Variants in DSC3 observed in about 807,000 individuals in gnomAD.
The protein encoded by DSC3 is desmocollin 3.
A neutral mutation model predicts 89.5 loss-of-function variants in DSC3; 97 were observed. That is an observed-to-expected ratio of 1.08 (90% CI 0.92 to 1.28). DSC3 has a LOEUF of 1.28. Among genes scored for constraint, DSC3 ranks in the 50% most tolerant of loss-of-function variants. The probability of loss-of-function intolerance (pLI) is 0.00; values close to 1 mark genes in which losing one functional copy is unlikely to be tolerated. For missense variants in DSC3, 1,199 were observed against 1,085.3 expected (o/e 1.10, Z -1.47); for synonymous variants, 436 against 384.1 (o/e 1.14, Z -1.58).
At chr18:31,011,707 A>G (rs1985064409) in intron 9 of DSC3, among the ~76,000 whole-genome samples, 1 of 152,008 alleles carries the variant, frequency 6.6e-6, no homozygotes, top group Admixed American at 6.6e-5. Context: ...AAAGTACTTA[A>G]AGATGCCAGG....
At chr18:31,040,010 T>C (rs1311029313) in intron 1 of DSC3, among the ~76,000 whole-genome samples, 2 of 152,184 alleles carry the variant, frequency 1.3e-5, no homozygotes, top group African/African-American at 4.8e-5. Context: ...ATATATCAAA[T>C]ATTACCAAGA....
chr18:31,001,946 T>C (rs1437941278), intron 13 of DSC3, among the ~76,000 whole-genome samples: 3 of 152,134 alleles, frequency 2.0e-5, no homozygotes, highest in South Asian at 2.1e-4. Flanking sequence ...ATTTTTTCAT[T>C]ATATCTCACT....
intron 9 of DSC3, among the ~76,000 whole-genome samples, chr18:31,011,291 A>G (rs533708212): frequency 6.6e-6 from 1 of 152,380 alleles, no homozygotes; most frequent in South Asian, 2.1e-4. Context: ...AAGCTGTCAC[A>G]GAGGCGAATG....
rs141278133 is a variant in DSC3, at chr18:30,999,982, A to G, written c.2235+1636T>C. 8.1e-4 allele frequency among the ~76,000 whole-genome samples: 124 copies of G among 152,298 alleles called. 2 individuals are homozygous for G. Among genetic ancestry groups the G allele is most frequent in the African/African-American group, 3.0e-3 (123 of 41,570 alleles). ...AACAGATATTAAGTAAAAGTCATCCATGCCGGTCTTAAAAATAAAATAAGA... is the reference window on the plus strand; with the variant it reads ...AACAGATATTAAGTAAAAGTCATCCGTGCCGGTCTTAAAAATAAAATAAGA... On this transcript the variant is annotated intron_variant, in intron 14 of 15. Transcript: ENST00000360428.
chr18:31,010,272 A>G (rs569782225), intron 9 of DSC3, among the ~76,000 whole-genome samples: 6 of 152,308 alleles, frequency 3.9e-5, no homozygotes, highest in African/African-American at 1.4e-4. Flanking sequence ...AAAAATATTA[A>G]TATCTGTTCG....
chr18:31,019,344 C>T (rs1009622364), intron 7 of DSC3, among the ~76,000 whole-genome samples: 6 of 152,180 alleles, frequency 3.9e-5, no homozygotes, highest in Non-Finnish European at 7.3e-5. Context: ...CCGCCTCGGG[C>T]TCCCAAAGTG....
At chr18:31,028,922 C>T (rs1444602772) in intron 4 of DSC3, among the ~76,000 whole-genome samples, 2 of 152,128 alleles carry the variant, frequency 1.3e-5, no homozygotes, top group African/African-American at 4.8e-5. Context: ...GACTAAGCCA[C>T]CCAGAGCTCC....
intron 1 of DSC3, among the ~76,000 whole-genome samples, chr18:31,034,359 A>G (rs1393983195): frequency 6.6e-6 from 1 of 152,224 alleles, no homozygotes; most frequent in African/African-American, 2.4e-5. Flanking sequence ...TAGGATAACT[A>G]AAATAAATAA....
At chr18:31,035,687 A>G (rs1174157665) in intron 1 of DSC3, among the ~76,000 whole-genome samples, 2 of 152,068 alleles carry the variant, frequency 1.3e-5, no homozygotes, top group Non-Finnish European at 2.9e-5. Context: ...ATTAAATCAT[A>G]AATGCTCAGT....
chr18:31,004,286 C>G lies in DSC3; in HGVS notation c.1969G>C (p.Gly657Arg). ...TIPITVKDRA[G>R]QAATKLLRVN... ...CTCAATAATTTTGTTGCAGCTTGGC[C>G]GGCCCTGTCTTTTACAGTAATAGGA... is the stretch of plus-strand genomic sequence containing the variant. The change falls in exon 13 of 16, where the codon GGC (glycine) becomes CGC (arginine). Residue 657 changes from glycine (G) to arginine (R), a missense_variant. Physicochemically the swap from Gly to Arg is moderately radical, Grantham distance 125 (BLOSUM62 -2). Coordinates refer to ENST00000360428, the MANE Select transcript of DSC3 (RefSeq NM_001941.5). The G allele has an allele frequency of 1.9e-6, 3 of 1,613,984 alleles. No homozygotes were observed. Among genetic ancestry groups the G allele is most frequent in the Non-Finnish European group, 2.5e-6 (3 of 1,179,932 alleles).
intron 12 of DSC3, among the ~76,000 whole-genome samples, chr18:31,005,602 C>T (rs754144839): frequency 5.1e-4 from 77 of 152,188 alleles, no homozygotes; most frequent in Non-Finnish European, 9.6e-4. Flanking sequence ...ACTTATTCTC[C>T]TGGTATGTTT....
At chr18:31,027,791 T>TG (rs1985649628) in intron 4 of DSC3, among the ~76,000 whole-genome samples, 2 of 152,118 alleles carry the variant, frequency 1.3e-5, no homozygotes, top group African/African-American at 4.8e-5. Context: ...ACCTAAAATT[T>TG]GTTTCTTCAG....
At chr18:31,041,802 T>G (rs890724175) in intron 1 of DSC3, among the ~76,000 whole-genome samples, 3 of 152,110 alleles carry the variant, frequency 2.0e-5, no homozygotes, top group African/African-American at 7.2e-5. Flanking sequence ...CCCCAGGCTG[T>G]GCTCCGGCCG....
At chr18:31,005,227 T>G (rs1214679598) in intron 12 of DSC3, among the ~76,000 whole-genome samples, 1 of 152,188 alleles carries the variant, frequency 6.6e-6, no homozygotes, top group Non-Finnish European at 1.5e-5. Context: ...CTTAGGACCC[T>G]TCAAGACCAC....
rs1469734953 is a variant in DSC3, at chr18:31,006,964, T to C, written c.1831A>G (p.Ser611Gly). 14 of 1,613,790 alleles carry C rather than the reference T, an allele frequency of 8.7e-6. No individual in the cohort carries two copies. The highest frequency in any genetic ancestry group is 2.2e-5 in the East Asian group (1 of 44,832). Reference sequence around the variant, plus strand: ...ATTTCTGGAGAAGTATTGGGCAAACTGAAATAAAATGGAGCTCCATGGACA... The same window carrying C: ...ATTTCTGGAGAAGTATTGGGCAAACCGAAATAAAATGGAGCTCCATGGACA... ...EPVHGAPFYF[S>G]LPNTSPEISR... The change falls in exon 12 of 16, where the codon AGT (serine) becomes GGT (glycine). Residue 611 changes from serine to glycine, a missense_variant. Transcript: ENST00000360428.
chr18:31,026,532 C>T (rs967497916), intron 4 of DSC3, among the ~76,000 whole-genome samples: 3 of 152,006 alleles, frequency 2.0e-5, no homozygotes, highest in African/African-American at 7.2e-5. Flanking sequence ...AGAGAAGAGA[C>T]TGTAGTTAGT....
intron 12 of DSC3, among the ~76,000 whole-genome samples, chr18:31,005,730 A>G (rs897161368): frequency 6.6e-6 from 1 of 152,218 alleles, no homozygotes; most frequent in Non-Finnish European, 1.5e-5. Context: ...CAAACATTCT[A>G]GGAAACTCAT....
chr18:31,039,645 A>C lies in DSC3; in HGVS notation c.69+2947T>G, dbSNP rs915449099. Among the ~76,000 whole-genome samples the C allele has an allele frequency of 5.6e-4, 85 of 152,196 alleles. 6 individuals carry two copies. Among genetic ancestry groups the C allele is most frequent in the Non-Finnish European group, 4.4e-5 (3 of 68,016 alleles). On this transcript the variant is annotated intron_variant, in intron 1 of 15. Coordinates refer to ENST00000360428, the MANE Select transcript of DSC3 (RefSeq NM_001941.5). Reference sequence around the variant, plus strand: ...TCATTGTAAGATGGGAATTCCAGCTATCATACTTTCAGCGGAAAGTATGAT... The same window carrying C: ...TCATTGTAAGATGGGAATTCCAGCTCTCATACTTTCAGCGGAAAGTATGAT...
intron 1 of DSC3, among the ~76,000 whole-genome samples, chr18:31,040,058 T>G (rs1210884756): frequency 2.0e-5 from 3 of 152,160 alleles, no homozygotes; most frequent in Non-Finnish European, 2.9e-5. Context: ...AGGACTCACA[T>G]TATTCACATT....
Sources: allele counts gnomAD v4.1 joint callset (sites outside exome capture counted in the v4.1 genomes callset), GRCh38; gene constraint gnomAD v4.1.1; transcripts MANE v1.5; gene names NCBI Gene and HGNC (gene_info 2026-07-23, HGNC 2026-07-21).